CCBE1: variants seen among roughly 807,000 people sequenced by gnomAD.
The protein encoded by CCBE1 is collagen and calcium binding EGF domains 1, also known as collagen and calcium-binding EGF domain-containing protein 1.
CCBE1 carries 37 observed loss-of-function variants against 50.0 expected under a neutral mutation model. The ratio of observed to expected loss-of-function variants is 0.74; its 90% CI spans 0.57 to 0.97. CCBE1 has a LOEUF of 0.97. Among genes scored for constraint, CCBE1 ranks in the 50% least tolerant of loss-of-function variants. The pLI is 0.00. For missense variants in CCBE1, 538 were observed against 523.8 expected (o/e 1.03, Z -0.26); for synonymous variants, 234 against 203.7 (o/e 1.15, Z -1.27).
chr18:59,620,486 T>C (rs1273347690), intron 2 of CCBE1, among the ~76,000 whole-genome samples: 1 of 152,192 alleles, frequency 6.6e-6, no homozygotes, highest in Non-Finnish European at 1.5e-5. Flanking sequence ...CCTAATACTA[T>C]ATGTAGCAGG....
chr18:59,643,201 A>T (rs188784927), intron 2 of CCBE1, among the ~76,000 whole-genome samples: 237 of 152,156 alleles, frequency 1.6e-3, no homozygotes, highest in Middle Eastern at 3.4e-3. Context: ...GTTTCATGTT[A>T]TTTATCCCAA....
intron 2 of CCBE1, among the ~76,000 whole-genome samples, chr18:59,573,100 C>G (rs978698085): frequency 6.6e-6 from 1 of 151,388 alleles, no homozygotes; most frequent in African/African-American, 2.4e-5. Flanking sequence ...GGCAGGCCAG[C>G]ATGGTAAAAC....
intron 4 of CCBE1, among the ~76,000 whole-genome samples, 187 bp from the exon 5 acceptor site, chr18:59,467,078 C>T (rs768308076): frequency 2.0e-5 from 3 of 152,214 alleles, no homozygotes; most frequent in Non-Finnish European, 2.9e-5. Flanking sequence ...CACTTTTGGC[C>T]AAGTGGCCAT....
Position 59,692,487 on chromosome 18 carries a change from T to TC in CCBE1, c.212+4141dup, listed in dbSNP as rs536271056. On this transcript the variant is annotated intron_variant, in intron 2 of 10. Transcript: ENST00000439986. Reference sequence around the variant, plus strand: ...GTGTTTTGACATTATCGAAGCCCACTCCCCCGCCATGGGAACTTGGTGACT... The same window carrying TC: ...GTGTTTTGACATTATCGAAGCCCACTCCCCCCGCCATGGGAACTTGGTGACT... Among the ~76,000 whole-genome samples the TC allele has an allele frequency of 6.8e-3, 1,041 of 151,982 alleles. 7 individuals are homozygous for TC. The highest frequency in any genetic ancestry group is 0.023 in the African/African-American group (960 of 41,458).
At chr18:59,556,940 C>G (rs555109490) in intron 2 of CCBE1, among the ~76,000 whole-genome samples, 2 of 152,080 alleles carry the variant, frequency 1.3e-5, no homozygotes, top group Non-Finnish European at 2.9e-5. Flanking sequence ...ATTCCCAGCC[C>G]TGCCATGTTT....
chr18:59,692,997 C>A (rs2054755325), intron 2 of CCBE1, among the ~76,000 whole-genome samples: 1 of 138,048 alleles, frequency 7.2e-6, no homozygotes, highest in African/African-American at 2.8e-5. Flanking sequence ...CACACACACA[C>A]ACACACAAAC....
intron 7 of CCBE1, among the ~76,000 whole-genome samples, chr18:59,441,538 C>T (rs999446315): frequency 1.3e-5 from 2 of 151,086 alleles, no homozygotes; most frequent in Non-Finnish European, 1.5e-5. Context: ...ATAGAACAAT[C>T]AGCAGGACAA....
In CCBE1 at chr18:59,448,050, G is replaced by A. The variant is rs766503507; in HGVS notation, c.708C>T (p.Asp236=). 8.1e-6 allele frequency: 13 copies of A among 1,614,054 alleles called. No individual in the cohort carries two copies. In the East Asian group the frequency reaches 8.9e-5, roughly 11 times the overall value. Residue 236 remains aspartate, a synonymous_variant, in exon 7 of 11, where the codon GAC becomes GAT. Coordinates refer to ENST00000439986, the MANE Select transcript of CCBE1 (RefSeq NM_133459.4). ...GGTAGGTGTTTGAGGCCAGCACCTT[G>A]TCACCAGTGATATACTTGCCCAGGT... The part of the protein sequence containing the change: ...AADLGKYITG[D]KVLASNTYLP...
chr18:59,638,103 AAAGT>A, intron 2 of CCBE1, among the ~76,000 whole-genome samples: 1 of 152,350 alleles, frequency 6.6e-6, no homozygotes, highest in Non-Finnish European at 1.5e-5. Flanking sequence ...ATGTACAAGA[AAAGT>A]AAGGCATCAT....
At chr18:59,492,826 G>A (rs142167271) in intron 2 of CCBE1, among the ~76,000 whole-genome samples, 4 of 152,262 alleles carry the variant, frequency 2.6e-5, no homozygotes, top group Non-Finnish European at 5.9e-5. Flanking sequence ...AGAAGATGTG[G>A]CCTTTATTTT....
intron 2 of CCBE1, among the ~76,000 whole-genome samples, chr18:59,557,891 C>A (rs560369911): frequency 1.2e-4 from 19 of 152,318 alleles, no homozygotes; most frequent in African/African-American, 4.6e-4. Context: ...TCAAGACCCT[C>A]CGCTGGTAAC....
At chr18:59,623,480 T>C (rs1313413683) in intron 2 of CCBE1, among the ~76,000 whole-genome samples, 1 of 152,234 alleles carries the variant, frequency 6.6e-6, no homozygotes, top group South Asian at 2.1e-4. Context: ...CCCACTGTGC[T>C]GTTTGCACTT....
intron 2 of CCBE1, among the ~76,000 whole-genome samples, chr18:59,534,728 G>C (rs940677495): frequency 1.3e-5 from 2 of 152,194 alleles, no homozygotes; most frequent in Non-Finnish European, 2.9e-5. Context: ...AGAGAATGAG[G>C]CTCCATCTAG....
At chr18:59,497,538 T>C (rs1913412571) in intron 2 of CCBE1, among the ~76,000 whole-genome samples, 1 of 152,190 alleles carries the variant, frequency 6.6e-6, no homozygotes, top group African/African-American at 2.4e-5. Flanking sequence ...TTTCACAGAA[T>C]AGATAAGGCC....
chr18:59,680,503 G>C (rs995157210), intron 2 of CCBE1, among the ~76,000 whole-genome samples: 8 of 151,792 alleles, frequency 5.3e-5, no homozygotes, highest in East Asian at 1.9e-4. Flanking sequence ...TCAAGACCAT[G>C]CTGGCTAACA....
rs528565685 is a variant in CCBE1, at chr18:59,610,603, A to C, written c.212+86026T>G. On this transcript the variant is annotated intron_variant, in intron 2 of 10. Coordinates refer to ENST00000439986, the MANE Select transcript of CCBE1 (RefSeq NM_133459.4). ...ACAGATTGTCTGAGTGCTCCTTTTC[A>C]GAAGGGCTCATCTCACACACCTTGC... Among the ~76,000 whole-genome samples, 14 of 152,342 alleles carry C rather than the reference A, an allele frequency of 9.2e-5. No individual in the cohort carries two copies. The South Asian group carries it at 1.7e-3, about 18-fold the overall frequency.
At chr18:59,439,954 G>A (rs1910344805) in intron 7 of CCBE1, 138 bp from the exon 8 acceptor site, 1 of 876,518 alleles carries the variant, frequency 1.1e-6, no homozygotes, top group African/African-American at 1.7e-5. Flanking sequence ...CCATCAGGCT[G>A]TCCCACAGGC....
In CCBE1 at chr18:59,433,530, C is replaced by T. The variant is rs760587700; in HGVS notation, c.*2378G>A. 2 of 152,022 alleles carry T rather than the reference C, an allele frequency of 1.3e-5. No homozygotes were observed. Among genetic ancestry groups the T allele is most frequent in the Non-Finnish European group, 2.9e-5 (2 of 68,002 alleles). The allele number at this position is 152,022 out of a possible 1,614,324, so 9.4% of individuals were successfully genotyped here. On this transcript the variant is annotated 3_prime_UTR_variant, in exon 11 of 11. Transcript: ENST00000439986. ...AAGAAGGGAAGGAAGACTGTTGCCA[C>T]TAGAGGTTTGCAAAGCCCCTTCCTA...
intron 2 of CCBE1, among the ~76,000 whole-genome samples, chr18:59,635,673 C>A (rs1181302412): frequency 1.3e-5 from 2 of 151,412 alleles, no homozygotes; most frequent in African/African-American, 2.4e-5. Context: ...TAAGAGTAAC[C>A]CACTAATATC....
Sources: gnomAD v4.1 joint callset for allele counts (sites outside exome capture counted in the v4.1 genomes callset) on GRCh38, gnomAD v4.1.1 for gene constraint, MANE v1.5 for transcripts, NCBI Gene and HGNC (gene_info 2026-07-23, HGNC 2026-07-21) for gene names.